The following KIF13B variants were observed in gnomAD, a reference collection of about 807,000 sequenced individuals.
KIF13B encodes the protein kinesin-like protein KIF13B.
A neutral mutation model predicts 222.0 loss-of-function variants in KIF13B; 127 were observed. The observed-to-expected ratio is 0.57, with a 90% CI of 0.50 to 0.66. KIF13B has a LOEUF of 0.66. Ranked by LOEUF, KIF13B falls within the 30% of genes least tolerant of loss-of-function variation. The pLI is 0.00. For synonymous variants in KIF13B, 976 were observed against 919.0 expected, an observed-to-expected ratio of 1.06 and a Z score of -1.12; for missense variants, 2,173 against 2,379.0, an observed-to-expected ratio of 0.91 and a Z score of 1.80.
intron 2 of KIF13B, among the ~76,000 whole-genome samples, chr8:29,213,794 CA>C (rs527277518): frequency 4.7e-4 from 68 of 143,968 alleles, no homozygotes; most frequent in Non-Finnish European, 4.7e-4. Flanking sequence ...ACTAAAAATA[CA>C]AAAAAAAAAA....
At chr8:29,128,434 T>C (rs927652939) in intron 24 of KIF13B, among the ~76,000 whole-genome samples, 1 of 152,238 alleles carries the variant, frequency 6.6e-6, no homozygotes, top group Non-Finnish European at 1.5e-5. Context: ...CCACTGATCC[T>C]ATCAAACTCC....
At chr8:29,082,773 C>T (rs1396942694) in intron 37 of KIF13B, among the ~76,000 whole-genome samples, 1 of 152,194 alleles carries the variant, frequency 6.6e-6, no homozygotes, top group African/African-American at 2.4e-5. Flanking sequence ...ACTAGTTTTT[C>T]AAGTGTCCAT....
At chr8:29,109,842 T>C in intron 33 of KIF13B, 76 bp downstream of exon 33, 1 of 1,410,360 alleles carries the variant, frequency 7.1e-7, no homozygotes, top group African/African-American at 1.4e-5. Context: ...AACAACACTG[T>C]GAATTACAGA....
chr8:29,251,873 G>C (rs1270168275), intron 1 of KIF13B, among the ~76,000 whole-genome samples: 2 of 152,078 alleles, frequency 1.3e-5, no homozygotes, highest in Non-Finnish European at 2.9e-5. Context: ...AATTTAATTA[G>C]TACTATGTAT....
At chr8:29,104,318 A>G (rs1345350033) in intron 35 of KIF13B, among the ~76,000 whole-genome samples, 1 of 151,494 alleles carries the variant, frequency 6.6e-6, no homozygotes, top group Admixed American at 6.6e-5. Flanking sequence ...GCTGTCCAAA[A>G]CCCGATGTCA....
intron 37 of KIF13B, among the ~76,000 whole-genome samples, chr8:29,085,417 T>C (rs1807996960): frequency 6.6e-6 from 1 of 152,208 alleles, no homozygotes; most frequent in Non-Finnish European, 1.5e-5. Context: ...AAGGAATGAC[T>C]GGTAAAAACA....
Position 29,102,535 on chromosome 8 carries a change from C to T in KIF13B, c.4216-3294G>A, listed in dbSNP as rs966175109. On this transcript the variant is annotated intron_variant, in intron 35 of 39. Transcript: ENST00000524189. ...GACAAAGTAAGAACGCCGGAGGCTC[C>T]GGGGAGGGCCTGACTTGGTCCCCAG... Among the ~76,000 whole-genome samples, 5 of 152,288 alleles carry T rather than the reference C, an allele frequency of 3.3e-5. No individual in the cohort carries two copies. In the East Asian group the frequency reaches 5.8e-4, roughly 18 times the overall value.
chr8:29,250,450 T>C (rs1388942248), intron 1 of KIF13B, among the ~76,000 whole-genome samples: 1 of 152,178 alleles, frequency 6.6e-6, no homozygotes, highest in Non-Finnish European at 1.5e-5. Flanking sequence ...AATGGTATGA[T>C]TAAGGGACCA....
chr8:29,242,984 TCTAGAA>T (rs1170252989), intron 2 of KIF13B, among the ~76,000 whole-genome samples: 1 of 152,208 alleles, frequency 6.6e-6, no homozygotes, highest in Non-Finnish European at 1.5e-5. Flanking sequence ...CTGAAATTTC[TCTAGAA>T]CTAGGTGATT....
intron 6 of KIF13B, among the ~76,000 whole-genome samples, chr8:29,182,895 A>T (rs1812770253): frequency 6.6e-6 from 1 of 152,122 alleles, no homozygotes; most frequent in African/African-American, 2.4e-5. Flanking sequence ...CACAAAAAAA[A>T]TGGTAAGTGT....
intron 10 of KIF13B, among the ~76,000 whole-genome samples, chr8:29,170,354 T>C (rs1224946149): frequency 6.6e-6 from 1 of 152,216 alleles, no homozygotes; most frequent in Non-Finnish European, 1.5e-5. Flanking sequence ...GTCACAGAGC[T>C]GATTCAGAAC....
chr8:29,072,949 A>T (rs1164862433), intron 38 of KIF13B, among the ~76,000 whole-genome samples: 1 of 151,996 alleles, frequency 6.6e-6, no homozygotes, highest in Non-Finnish European at 1.5e-5. Flanking sequence ...GGCAAAACCT[A>T]AACAATGATC....
At chr8:29,217,338 CGAA>C (rs1814530722) in intron 2 of KIF13B, among the ~76,000 whole-genome samples, 1 of 152,166 alleles carries the variant, frequency 6.6e-6, no homozygotes, top group Admixed American at 6.5e-5. Flanking sequence ...AACACAGTGG[CGAA>C]GACTGGGCTC....
At chr8:29,183,164 G>GTTTTTTTTTTTTTTTTTTTTTTTT (rs140190406) in intron 6 of KIF13B, among the ~76,000 whole-genome samples, 1 of 104,836 alleles carries the variant, frequency 9.5e-6, no homozygotes, top group Non-Finnish European at 1.9e-5. Flanking sequence ...AATCCTTAAA[G>GTTTTTTTTTTTTTTTTTTTTTTTT]TTTGTTTTTT....
intron 10 of KIF13B, among the ~76,000 whole-genome samples, chr8:29,173,814 C>T (rs1372072349): frequency 6.6e-6 from 1 of 151,448 alleles, no homozygotes; most frequent in Non-Finnish European, 1.5e-5. Context: ...TGTGGCGGTG[C>T]GCACCTGTAA....
rs535283061 is a variant in KIF13B, at chr8:29,207,983, G to A, written c.150-11784C>T. ...GTGTTCATTTCGATATTTCCTGAGA[G>A]GCTGCAGAACAGGCACAAGTCCTTG... On this transcript the variant is annotated intron_variant, in intron 2 of 39. Transcript: ENST00000524189. Among the ~76,000 whole-genome samples the A allele has an allele frequency of 2.0e-5, 3 of 152,326 alleles. No individual in the cohort carries two copies. In the South Asian group the frequency reaches 6.2e-4, roughly 32 times the overall value.
At chr8:29,118,434 G>T (rs1809704264) in intron 30 of KIF13B, among the ~76,000 whole-genome samples, 1 of 152,096 alleles carries the variant, frequency 6.6e-6, no homozygotes, top group Non-Finnish European at 1.5e-5. Flanking sequence ...GGCAGAGGCT[G>T]CAGTGAGCCA....
Position 29,234,537 on chromosome 8 carries a change from A to T in KIF13B, c.149+10809T>A, listed in dbSNP as rs1316094930. The stretch of plus-strand genomic sequence containing the variant: ...AGGAATGGGGATCTCGTATGTAATG[A>T]GCACAGAGTTCCAGTTTTTAAGAAG... On this transcript the variant is annotated intron_variant, in intron 2 of 39. Coordinates refer to ENST00000524189, the MANE Select transcript of KIF13B (RefSeq NM_015254.4). 2.0e-5 allele frequency among the ~76,000 whole-genome samples: 3 copies of T among 148,964 alleles called. No homozygotes were observed. In the Admixed American group the frequency reaches 2.0e-4, roughly 10 times the overall value.
chr8:29,258,707 A>C (rs1169556702), intron 1 of KIF13B, among the ~76,000 whole-genome samples: 1 of 152,136 alleles, frequency 6.6e-6, no homozygotes, highest in Non-Finnish European at 1.5e-5. Context: ...TGCTCACATC[A>C]TAAGCTTCCT....
Sources: allele counts gnomAD v4.1 joint callset (sites outside exome capture counted in the v4.1 genomes callset), GRCh38; gene constraint gnomAD v4.1.1; transcripts MANE v1.5; gene names NCBI Gene and HGNC (gene_info 2026-07-23, HGNC 2026-07-21).